Variants in NBEA observed in about 807,000 individuals in gnomAD.
The protein encoded by NBEA is lysosomal-trafficking regulator 2.
Under a neutral mutation model 343.4 loss-of-function variants are expected in NBEA, and 44 were observed. The observed-to-expected ratio is 0.13, with a 90% CI of 0.10 to 0.16. NBEA has a LOEUF of 0.16. Among genes scored for constraint, NBEA ranks in the 10% least tolerant of loss-of-function variants. The pLI, the probability that NBEA is intolerant of heterozygous loss-of-function variation, is 1.00. For synonymous variants in NBEA, 1,175 were observed against 1,238.7 expected (o/e 0.95, Z 1.08); for missense variants, 2,555 against 3,631.3 (o/e 0.70, Z 7.62).
At chr13:35,611,609 T>C (rs2082526658) in intron 48 of NBEA, among the ~76,000 whole-genome samples, 1 of 152,202 alleles carries the variant, frequency 6.6e-6, no homozygotes, top group African/African-American at 2.4e-5. Flanking sequence ...CAACTGCTAA[T>C]CAACTTTTTA....
intron 45 of NBEA, among the ~76,000 whole-genome samples, chr13:35,580,763 T>C (rs1287704206): frequency 6.6e-6 from 1 of 152,154 alleles, no homozygotes; most frequent in African/African-American, 2.4e-5. Flanking sequence ...TAGGTAAAAA[T>C]TCAAAATTAG....
intron 18 of NBEA, among the ~76,000 whole-genome samples, chr13:35,148,167 A>C (rs1266863491): frequency 6.6e-6 from 1 of 152,210 alleles, no homozygotes; most frequent in Non-Finnish European, 1.5e-5. Context: ...AGGATGAGTC[A>C]CAAAATAGTG....
intron 13 of NBEA, among the ~76,000 whole-genome samples, chr13:35,111,544 G>A (rs942138219): frequency 6.6e-6 from 1 of 151,828 alleles, no homozygotes; most frequent in African/African-American, 2.4e-5. Flanking sequence ...GTTTCTCATT[G>A]CATACATATA....
intron 38 of NBEA, among the ~76,000 whole-genome samples, chr13:35,379,195 T>A (rs2152890356): frequency 6.6e-6 from 1 of 152,264 alleles, no homozygotes; most frequent in Middle Eastern, 3.4e-3. Flanking sequence ...TCCAAAGTAT[T>A]CAGTTGCTCT....
rs556390308 is a variant in NBEA at position 35,527,975 on chromosome 13, T to A, written c.6586-22502T>A. Among the ~76,000 whole-genome samples the A allele has an allele frequency of 3.7e-4, 56 of 152,142 alleles. 1 individual carries two copies. Among genetic ancestry groups the A allele is most frequent in the Non-Finnish European group, 8.8e-5 (6 of 68,022 alleles). ...TCATGCCATTGCTCTCCAGCCTGGG[T>A]GACAAAGCAAGACCCTGTCTCAAAA... On this transcript the variant is annotated intron_variant, in intron 41 of 58. Transcript: ENST00000379939.
chr13:34,978,954 T>A (rs1029334315), intron 1 of NBEA, among the ~76,000 whole-genome samples: 1 of 152,178 alleles, frequency 6.6e-6, no homozygotes, highest in African/African-American at 2.4e-5. Context: ...AAGATTCATG[T>A]TTTTATTCCT....
intron 38 of NBEA, among the ~76,000 whole-genome samples, chr13:35,359,425 C>G (rs945077323): frequency 1.3e-5 from 2 of 152,072 alleles, no homozygotes; most frequent in African/African-American, 4.8e-5. Context: ...GAATTGAATA[C>G]TAATTGTTGT....
intron 18 of NBEA, among the ~76,000 whole-genome samples, chr13:35,150,312 T>C (rs2068697610): frequency 1.3e-5 from 2 of 152,192 alleles, no homozygotes; most frequent in Admixed American, 6.5e-5. Flanking sequence ...TCATTGTTAA[T>C]CCTACAAAAT....
intron 38 of NBEA, among the ~76,000 whole-genome samples, chr13:35,431,827 C>T (rs1210992880): frequency 6.6e-6 from 1 of 152,094 alleles, no homozygotes. Context: ...TTAATTCAGC[C>T]TACTAAGAAA....
chr13:35,175,187 T>C (rs2070785765), intron 27 of NBEA, among the ~76,000 whole-genome samples: 1 of 152,194 alleles, frequency 6.6e-6, no homozygotes, highest in Non-Finnish European at 1.5e-5. Flanking sequence ...ACCACTTAAC[T>C]GGTTTTGCGA....
intron 48 of NBEA, among the ~76,000 whole-genome samples, chr13:35,619,949 A>T (rs545474232): frequency 6.6e-6 from 1 of 152,150 alleles, no homozygotes; most frequent in East Asian, 1.9e-4. Flanking sequence ...TCCTTCGTTC[A>T]TTCCGTAATT....
intron 38 of NBEA, among the ~76,000 whole-genome samples, chr13:35,372,871 AG>A (rs2041522144): frequency 6.6e-6 from 1 of 152,140 alleles, no homozygotes; most frequent in South Asian, 2.1e-4. Context: ...GCCACAGGGC[AG>A]GATGTAGTCT....
At chr13:34,971,281 A>G (rs2059989630) in intron 1 of NBEA, among the ~76,000 whole-genome samples, 1 of 152,082 alleles carries the variant, frequency 6.6e-6, no homozygotes, top group African/African-American at 2.4e-5. Flanking sequence ...TTGGGCTAAG[A>G]TGATGGGGTT....
At chr13:35,000,963 TTTGTTG>T (rs201320486) in intron 1 of NBEA, among the ~76,000 whole-genome samples, 7 of 151,964 alleles carry the variant, frequency 4.6e-5, no homozygotes, top group African/African-American at 1.2e-4. Context: ...TTGGTTTTTT[TTTGTTG>T]TTGTTGTTGT....
At chr13:35,640,672 G>T (rs562571057) in intron 49 of NBEA, among the ~76,000 whole-genome samples, 1 of 152,258 alleles carries the variant, frequency 6.6e-6, no homozygotes, top group African/African-American at 2.4e-5. Context: ...AAGTAGGGAG[G>T]GGACAAAAGA....
chr13:35,516,321 T>C (rs1317694094), intron 41 of NBEA, among the ~76,000 whole-genome samples: 3 of 152,090 alleles, frequency 2.0e-5, no homozygotes, highest in Admixed American at 6.6e-5. Flanking sequence ...ATCAAGAGTG[T>C]AATGTGTATC....
chr13:35,277,993 A>C lies in NBEA; in HGVS notation c.5777-12396A>C, dbSNP rs553839903. Among the ~76,000 whole-genome samples the C allele has an allele frequency of 2.6e-5, 4 of 151,708 alleles. No individual in the cohort carries two copies. The East Asian group carries it at 7.8e-4, about 30-fold the overall frequency. Reference sequence around the variant, plus strand: ...TCTGAGCTACTTGGGAGGCTGAGGCAGGAGAATTGCTTGCACCCAGGAGGC... The same window carrying C: ...TCTGAGCTACTTGGGAGGCTGAGGCCGGAGAATTGCTTGCACCCAGGAGGC... On this transcript the variant is annotated intron_variant, in intron 34 of 58. Transcript: ENST00000379939.
rs374230514 is a variant in NBEA, at chr13:35,211,147, T to G, written c.5616T>G (p.Ala1872=). ...ACCTTCCAGCTGTACAAACTGTTGC[T>G]CCAATGCCAGAAGATTCAGCTGAAA... The part of the protein sequence containing the change: ...SKNLPAVQTV[A]PMPEDSAENM... The change falls in exon 33 of 59, where the codon GCT becomes GCG. Residue 1872 remains alanine, a synonymous_variant. Transcript: ENST00000379939. 1.4e-4 allele frequency: 217 copies of G among 1,554,390 alleles called. No individual in the cohort carries two copies. The highest frequency in any genetic ancestry group is 1.8e-4 in the Non-Finnish European group (209 of 1,147,950).
At chr13:35,024,875 C>G (rs2061965657) in intron 1 of NBEA, among the ~76,000 whole-genome samples, 1 of 152,090 alleles carries the variant, frequency 6.6e-6, no homozygotes, top group Non-Finnish European at 1.5e-5. Context: ...GCCATTCTGA[C>G]TGGTGTGAGA....
Sources: allele counts gnomAD v4.1 joint callset (sites outside exome capture counted in the v4.1 genomes callset), GRCh38; gene constraint gnomAD v4.1.1; transcripts MANE v1.5; gene names NCBI Gene and HGNC (gene_info 2026-07-23, HGNC 2026-07-21).